Variants in PPARGC1B observed in about 807,000 individuals in gnomAD.
PPARGC1B encodes peroxisome proliferator-activated receptor gamma coactivator 1-beta.
In PPARGC1B, 34 loss-of-function variants were observed where a neutral mutation model predicts 101.6. The ratio of observed to expected loss-of-function variants is 0.33; its 90% CI spans 0.25 to 0.45. The LOEUF is 0.45. Ranked by LOEUF, PPARGC1B falls within the 20% of genes least tolerant of loss-of-function variation. The pLI is 1.00. For synonymous variants in PPARGC1B, 548 were observed against 539.3 expected, an observed-to-expected ratio of 1.02 and a Z score of -0.22; for missense variants, 1,234 against 1,317.6, an observed-to-expected ratio of 0.94 and a Z score of 0.98.
chr5:149,740,342 T>A (rs1754867248), intron 1 of PPARGC1B, among the ~76,000 whole-genome samples: 1 of 152,336 alleles, frequency 6.6e-6, no homozygotes, highest in South Asian at 2.1e-4. Context: ...TGTTCAGAAA[T>A]GCTCAATGAG....
At chr5:149,801,350 A>G (rs958724543) in intron 1 of PPARGC1B, among the ~76,000 whole-genome samples, 4 of 152,236 alleles carry the variant, frequency 2.6e-5, no homozygotes, top group Non-Finnish European at 4.4e-5. Flanking sequence ...AGCTCAAAAA[A>G]AAGTTTCCTC....
chr5:149,749,374 G>A (rs1383924446), intron 1 of PPARGC1B, among the ~76,000 whole-genome samples: 1 of 152,222 alleles, frequency 6.6e-6, no homozygotes, highest in Admixed American at 6.5e-5. Flanking sequence ...TGAGGTCACT[G>A]TTGTAGGAAC....
chr5:149,781,105 T>G (rs1756581178), intron 1 of PPARGC1B, among the ~76,000 whole-genome samples: 1 of 151,332 alleles, frequency 6.6e-6, no homozygotes, highest in African/African-American at 2.4e-5. Flanking sequence ...CTTGGGAGGC[T>G]GAGGCAGAAG....
intron 1 of PPARGC1B, among the ~76,000 whole-genome samples, chr5:149,732,158 G>A (rs1267890895): frequency 6.6e-6 from 1 of 152,014 alleles, no homozygotes; most frequent in African/African-American, 2.4e-5. Context: ...GCCGGGCTCC[G>A]TCACACGCCC....
rs769955178 is a variant in PPARGC1B at position 149,817,730 on chromosome 5, G to A, written c.79-2703G>A. On this transcript the variant is annotated intron_variant, in intron 1 of 11. Coordinates refer to ENST00000309241, the MANE Select transcript of PPARGC1B (RefSeq NM_133263.4). ...AAGTGACTGACAATACCAAGTGTTG[G>A]AGAGGGTGCAGAAGAATTGAACTCA... 2.0e-4 allele frequency: 91 copies of A among 456,616 alleles called. 1 individual carries two copies. Among genetic ancestry groups the A allele is most frequent in the Non-Finnish European group, 3.5e-4 (80 of 226,978 alleles). The allele number at this position is 456,616 out of a possible 1,614,324, so 28.3% of individuals were successfully genotyped here.
intron 1 of PPARGC1B, among the ~76,000 whole-genome samples, chr5:149,789,028 T>C (rs1187822606): frequency 6.6e-6 from 1 of 152,130 alleles, no homozygotes; most frequent in African/African-American, 2.4e-5. Flanking sequence ...TGTATACATA[T>C]GTAACAAACC....
At chr5:149,795,424 C>T (rs777823678) in intron 1 of PPARGC1B, among the ~76,000 whole-genome samples, 1 of 152,146 alleles carries the variant, frequency 6.6e-6, no homozygotes, top group Admixed American at 6.5e-5. Flanking sequence ...GGTCTTTTTC[C>T]ACCTGGGGCT....
At chr5:149,755,031 C>G (rs1755457159) in intron 1 of PPARGC1B, among the ~76,000 whole-genome samples, 1 of 119,720 alleles carries the variant, frequency 8.4e-6, no homozygotes, top group Non-Finnish European at 1.7e-5. Flanking sequence ...CACATATACA[C>G]TACATATACA....
chr5:149,767,826 G>T (rs1254688075), intron 1 of PPARGC1B, among the ~76,000 whole-genome samples: 3 of 152,108 alleles, frequency 2.0e-5, no homozygotes, highest in Non-Finnish European at 4.4e-5. Flanking sequence ...TCCACAGATG[G>T]GGTTGGGGGT....
chr5:149,785,792 G>A (rs1395823762), intron 1 of PPARGC1B, among the ~76,000 whole-genome samples: 2 of 152,190 alleles, frequency 1.3e-5, no homozygotes, highest in Non-Finnish European at 2.9e-5. Context: ...CACTAAATGA[G>A]GCCAGAGAAT....
At chr5:149,764,815 A>G (rs571104370) in intron 1 of PPARGC1B, among the ~76,000 whole-genome samples, 2 of 152,254 alleles carry the variant, frequency 1.3e-5, no homozygotes, top group Non-Finnish European at 2.9e-5. Flanking sequence ...AAGATATGGT[A>G]ACTATAGGAA....
At chr5:149,753,994 G>A (rs777417792) in intron 1 of PPARGC1B, among the ~76,000 whole-genome samples, 2 of 152,138 alleles carry the variant, frequency 1.3e-5, no homozygotes, top group African/African-American at 2.4e-5. Context: ...GCACCTGGCC[G>A]GTGTGCATAT....
chr5:149,815,140 A>G (rs1291327444), intron 1 of PPARGC1B, among the ~76,000 whole-genome samples: 1 of 152,204 alleles, frequency 6.6e-6, no homozygotes, highest in East Asian at 1.9e-4. Context: ...TTTGAATCCA[A>G]GCTTCACCCT....
intron 1 of PPARGC1B, among the ~76,000 whole-genome samples, chr5:149,792,291 A>AT (rs1442998667): frequency 6.6e-6 from 1 of 152,122 alleles, no homozygotes; most frequent in Non-Finnish European, 1.5e-5. Flanking sequence ...AGACTTCGGA[A>AT]TTTTCTAGTC....
chr5:149,855,187 C>A (rs1165478809), downstream of PPARGC1B, among the ~76,000 whole-genome samples: 3 of 152,174 alleles, frequency 2.0e-5, no homozygotes, highest in African/African-American at 7.2e-5. Context: ...CTTCAGAGCA[C>A]TTTTCACAGT....
chr5:149,788,733 A>G (rs527580305), intron 1 of PPARGC1B, among the ~76,000 whole-genome samples: 105 of 152,348 alleles, frequency 6.9e-4, no homozygotes, highest in Admixed American at 4.1e-3. Flanking sequence ...ACACCATGGA[A>G]TACTATGCAG....
chr5:149,751,896 A>G (rs1561852426), intron 1 of PPARGC1B, among the ~76,000 whole-genome samples: 1 of 152,114 alleles, frequency 6.6e-6, no homozygotes, highest in Admixed American at 6.6e-5. Context: ...TGAGATGGGG[A>G]GAACATAGAC....
At chr5:149,751,866 C>T (rs1246041089) in intron 1 of PPARGC1B, among the ~76,000 whole-genome samples, 1 of 152,154 alleles carries the variant, frequency 6.6e-6, no homozygotes, top group African/African-American at 2.4e-5. Context: ...CTTTTATGGG[C>T]GGATTCCTAC....
At chr5:149,812,818 A>G (rs1757915095) in intron 1 of PPARGC1B, among the ~76,000 whole-genome samples, 1 of 152,138 alleles carries the variant, frequency 6.6e-6, no homozygotes, top group South Asian at 2.1e-4. Flanking sequence ...AGGATACTTT[A>G]ATTGGCCCGG....
Sources: allele counts gnomAD v4.1 joint callset (sites outside exome capture counted in the v4.1 genomes callset), GRCh38; gene constraint gnomAD v4.1.1; transcripts MANE v1.5; gene names NCBI Gene and HGNC (gene_info 2026-07-23, HGNC 2026-07-21).